OTOF: variants seen among roughly 807,000 people sequenced by gnomAD.
OTOF encodes the protein otoferlin, also known as fer-1-like family member 2.
Under a neutral mutation model 236.8 loss-of-function variants are expected in OTOF, and 218 were observed. The observed-to-expected ratio is 0.92, with a 90% CI of 0.82 to 1.03. The LOEUF is 1.03. Among genes scored for constraint, OTOF ranks in the 50% least tolerant of loss-of-function variants. OTOF has a pLI of 0.00. For missense variants in OTOF, 2,590 were observed against 2,694.4 expected (o/e 0.96, Z 0.86); for synonymous variants, 1,041 against 1,072.5 (o/e 0.97, Z 0.57).
rs201541837 is a variant in OTOF, at chr2:26,467,356, G to A, written c.4227+9C>T. On this transcript the variant is annotated intron_variant, in intron 34 of 46. Transcript: ENST00000272371. ...CACACCCTAGAAGGGTCTGCTCCTA[G>A]GCTCTCACCTTAAGCTCATCAATCT... 1.2e-6 allele frequency: 2 copies of A among 1,613,710 alleles called. No homozygotes were observed. Among genetic ancestry groups the A allele is most frequent in the Admixed American group, 1.7e-5 (1 of 60,006 alleles).
chr2:26,510,774 G>C, intron 5 of OTOF: 1 of 1,282,772 alleles, frequency 7.8e-7, no homozygotes, highest in South Asian at 1.2e-5. Flanking sequence ...GAAATGAGGA[G>C]ACAAGGGGAC....
rs1664419389 is a variant in OTOF at position 26,460,692 on chromosome 2, G to A, written c.5768C>T (p.Pro1923Leu). The change falls in exon 45 of 47, where the codon CCA (proline) becomes CTA (leucine). Residue 1923 changes from proline to leucine, a missense_variant. Physicochemically the swap from Pro to Leu is moderately conservative, Grantham distance 98 (BLOSUM62 -3). Coordinates refer to ENST00000272371, the MANE Select transcript of OTOF (RefSeq NM_194248.3). The surrounding 1 kb of genome is among the most constrained non-coding windows in gnomAD (Gnocchi z 5.3). ...LLTAEEAEKNPVGLARNEPDP... is the reference protein window; with the variant it reads ...LLTAEEAEKNLVGLARNEPDP... ...AGGTTCATTGCGGGCCAGGCCCACT[G>A]GGTTCTTCTCTGCCTCCTCTGCTGT... is the stretch of plus-strand genomic sequence containing the variant. The A allele has an allele frequency of 6.2e-7, 1 of 1,613,794 alleles. No individual in the cohort carries two copies. Among genetic ancestry groups the A allele is most frequent in the African/African-American group, 1.3e-5 (1 of 74,854 alleles).
rs757708948 is a variant in OTOF, at chr2:26,474,111, C to G, written c.3289-1G>C. The G allele has an allele frequency of 5.6e-6, 9 of 1,612,756 alleles. No individual in the cohort carries two copies. The highest frequency in any genetic ancestry group is 4.2e-6 in the Non-Finnish European group (5 of 1,179,860). ...GGTCAGCCTTCCCTGCTGGTCCAAT[C>G]TGGGGAATGGGGGTCACAGGTCACA... On this transcript the variant is annotated splice_acceptor_variant, in intron 26 of 46. Transcript: ENST00000272371. LOFTEE classifies it high-confidence loss of function.
Position 26,477,173 on chromosome 2 carries a change from T to C in OTOF, c.2522A>G (p.Glu841Gly). ...AAGCCCCGACCCCTTGGGCCGCACC[T>C]CGTCCGCCAGGAAGCGCAGCTTCTG... ...FLQKLRFLAD[E>G]PQHSIPDIFI... Residue 841 changes from glutamate (E) to glycine (G), a missense_variant and splice_region_variant, in exon 21 of 47, where the codon GAG becomes GGG. Glu to Gly is a moderately conservative substitution (Grantham distance 98). This residue lies in a region of OTOF where 1,379 missense variants were observed against 1,341.6 expected (regional missense o/e 1.03). Transcript: ENST00000272371. The surrounding 1 kb of genome is among the most constrained non-coding windows in gnomAD (Gnocchi z 4.7). 6.2e-7 allele frequency: 1 copy of C among 1,609,748 alleles called. No homozygotes were observed. The highest frequency in any genetic ancestry group is 8.5e-7 in the Non-Finnish European group (1 of 1,179,278).
intron 11 of OTOF, among the ~76,000 whole-genome samples, chr2:26,485,576 C>T (rs1448129277): frequency 6.6e-6 from 1 of 152,182 alleles, no homozygotes; most frequent in Non-Finnish European, 1.5e-5. Flanking sequence ...ACTTTAAGCC[C>T]AGTGGGCAAG....
At position 26,479,526 on chromosome 2, in the gene OTOF, C is replaced by A. The variant is rs1437769745; in HGVS notation, c.2040G>T (p.Gly680=). 1 of 1,606,868 alleles carries A rather than the reference C, an allele frequency of 6.2e-7. No homozygotes were observed. Residue 680 remains glycine, a synonymous_variant, in exon 17 of 47, where the codon GGG becomes GGT. Transcript: ENST00000272371. ...NASDDEAGDA[G]DLASVSSTPP... ...GAGTGGAGGAGACTGAGGCCAGGTC[C>A]CCGGCATCACCGGCCTCGTCATCAC...
intron 8 of OTOF, among the ~76,000 whole-genome samples, chr2:26,500,422 G>GCGTTGT (rs1265700324): frequency 2.0e-5 from 3 of 152,196 alleles, no homozygotes; most frequent in Non-Finnish European, 4.4e-5. Flanking sequence ...CATGATACCT[G>GCGTTGT]AGTTGGGGTC....
At chr2:26,485,250 C>A (rs979070925) in intron 11 of OTOF, among the ~76,000 whole-genome samples, 1 of 152,224 alleles carries the variant, frequency 6.6e-6, no homozygotes, top group Non-Finnish European at 1.5e-5. Flanking sequence ...TCCACCTCCA[C>A]CTGTCTTTCT....
intron 5 of OTOF, among the ~76,000 whole-genome samples, chr2:26,504,758 G>A (rs1666205736): frequency 6.6e-6 from 1 of 152,148 alleles, no homozygotes; most frequent in African/African-American, 2.4e-5. Flanking sequence ...ATCAGCAGAG[G>A]GTAAAGTGCA....
intron 33 of OTOF, among the ~76,000 whole-genome samples, chr2:26,468,157 AG>A (rs1664821925): frequency 6.6e-6 from 1 of 152,220 alleles, no homozygotes; most frequent in Non-Finnish European, 1.5e-5. Context: ...GGTCCCTTCT[AG>A]CTCTGATGTT....
chr2:26,466,551 G>A (rs1664736168), intron 36 of OTOF, among the ~76,000 whole-genome samples, 163 bp downstream of exon 36: 1 of 152,168 alleles, frequency 6.6e-6, no homozygotes, highest in Non-Finnish European at 1.5e-5. Flanking sequence ...TGGCCAGGCT[G>A]GTCTCGAACT....
intron 8 of OTOF, among the ~76,000 whole-genome samples, chr2:26,497,153 A>G (rs1366865135): frequency 8.0e-6 from 1 of 125,604 alleles, no homozygotes; most frequent in Non-Finnish European, 1.6e-5. Context: ...CCCCGGCTGG[A>G]GTGCAGTGGC....
rs1666138697 is a variant in OTOF, at chr2:26,502,397, G to A, written c.613C>T (p.Leu205Phe). Residue 205 changes from leucine (L) to phenylalanine (F), a missense_variant, in exon 7 of 47, where the codon CTT becomes TTT. Leu to Phe is a conservative substitution (Grantham distance 22, BLOSUM62 0). Coordinates refer to ENST00000272371, the MANE Select transcript of OTOF (RefSeq NM_194248.3). ...DEPAVLEMED[L>F]DHLAIRLGDG... ...CCTAGCCGAATGGCCAGATGGTCAAGGTCTTCCATCTCCAGCACCGCCGGT... is the reference window on the plus strand; with the variant it reads ...CCTAGCCGAATGGCCAGATGGTCAAAGTCTTCCATCTCCAGCACCGCCGGT... 1.2e-6 allele frequency: 2 copies of A among 1,613,608 alleles called. No homozygotes were observed. Among genetic ancestry groups the A allele is most frequent in the South Asian group, 2.2e-5 (2 of 91,032 alleles).
In OTOF at chr2:26,556,387, C is replaced by T. The variant is rs568053808; in HGVS notation, c.79+2106G>A. ...TGAACTGCTAGATGACACAGGTGAGCGGCTGAGGCATCTTTCGTTGTAATA... is the reference window on the plus strand; with the variant it reads ...TGAACTGCTAGATGACACAGGTGAGTGGCTGAGGCATCTTTCGTTGTAATA... On this transcript the variant is annotated intron_variant, in intron 1 of 46. Coordinates refer to ENST00000272371, the MANE Select transcript of OTOF (RefSeq NM_194248.3). 7.2e-5 allele frequency among the ~76,000 whole-genome samples: 11 copies of T among 152,230 alleles called. No individual in the cohort carries two copies. In the South Asian group the frequency reaches 1.7e-3, roughly 23 times the overall value.
chr2:26,525,739 T>C (rs1177285436), intron 3 of OTOF, among the ~76,000 whole-genome samples: 1 of 151,288 alleles, frequency 6.6e-6, no homozygotes, highest in African/African-American at 2.4e-5. Context: ...GATGGAAGGA[T>C]GGATGAAAGA....
chr2:26,457,831 C>T lies in OTOF; in HGVS notation c.*407G>A. On this transcript the variant is annotated 3_prime_UTR_variant, in exon 47 of 47. Coordinates refer to ENST00000272371, the MANE Select transcript of OTOF (RefSeq NM_194248.3). This position sits in a 1 kb window ranked among gnomAD's most constrained non-coding sequence, Gnocchi z 4.4. ...ACCCCATCCAAGGCTCCCCAGCCCA[C>T]AGGCAGGGGTCAGAGGGGCGGGACT... 1.7e-6 allele frequency: 1 copy of T among 572,516 alleles called. No individual in the cohort carries two copies. The highest frequency in any genetic ancestry group is 3.1e-6 in the Non-Finnish European group (1 of 323,898). The allele number at this position is 572,516 out of a possible 1,614,324, so 35.5% of individuals were successfully genotyped here. A position where few individuals can be genotyped will look rare whatever the true frequency, so the allele number is the denominator to read the frequency against.
At position 26,516,480 on chromosome 2, in the gene OTOF, C is replaced by A; in HGVS notation, c.447G>T (p.Thr149=). The A allele has an allele frequency of 6.2e-7, 1 of 1,613,946 alleles. No individual in the cohort carries two copies. Among genetic ancestry groups the A allele is most frequent in the South Asian group, 1.1e-5 (1 of 91,084 alleles). The part of the protein sequence containing the change: ...LQEEEKDSQE[T]DGLLPGSRPS... ...GCCGGGAGCCTGGGAGCAGTCCATCCGTCTCTTGGCTGTCCTTCTCTTCCT... is the reference window on the plus strand; with the variant it reads ...GCCGGGAGCCTGGGAGCAGTCCATCAGTCTCTTGGCTGTCCTTCTCTTCCT... Residue 149 remains threonine (T), a synonymous_variant, in exon 5 of 47, where the codon ACG becomes ACT. Coordinates refer to ENST00000272371, the MANE Select transcript of OTOF (RefSeq NM_194248.3).
At chr2:26,501,349 G>T (rs902710240) in intron 8 of OTOF, among the ~76,000 whole-genome samples, 3 of 152,170 alleles carry the variant, frequency 2.0e-5, no homozygotes, top group Non-Finnish European at 4.4e-5. Flanking sequence ...ATTACTTCCA[G>T]CAATCAAATA....
Position 26,465,830 on chromosome 2 carries a change from GAT to G in OTOF, c.4639_4640del (p.Ile1547ArgfsTer16). The G allele has an allele frequency of 1.2e-6, 2 of 1,614,240 alleles. No individual in the cohort carries two copies. The highest frequency in any genetic ancestry group is 1.7e-6 in the Non-Finnish European group (2 of 1,180,046). On this transcript the variant is annotated frameshift_variant, in exon 38 of 47. Transcript: ENST00000272371. LOFTEE classifies it high-confidence loss of function. ...LNPVFGKSFD[I>X]EASFPMESML... The stretch of plus-strand genomic sequence containing the variant: ...TGGATTCCATGGGGAAGGAGGCCTC[GAT>G]GTCAAAGGACCTGGTGGGGTGGAGT...
Sources: gnomAD v4.1 joint callset for allele counts (sites outside exome capture counted in the v4.1 genomes callset) on GRCh38, gnomAD v4.1.1 for gene constraint, gnomAD v4.1.1 regional missense constraint, Gnocchi (gnomAD v3.1) non-coding constraint, MANE v1.5 for transcripts, NCBI Gene and HGNC (gene_info 2026-07-23, HGNC 2026-07-21) for gene names.